Variants in ZNF562 observed in about 807,000 individuals in gnomAD.
ZNF562 encodes the protein zinc finger protein 562.
ZNF562 carries 13 observed loss-of-function variants against 17.5 expected under a neutral mutation model. The observed-to-expected ratio is 0.74, with a 90% CI of 0.48 to 1.18. The LOEUF (loss-of-function observed/expected upper bound fraction) is 1.18. Ranked by LOEUF, ZNF562 falls within the 50% of genes most tolerant of loss-of-function variation. ZNF562 has a pLI of 0.00. For synonymous variants in ZNF562, 163 were observed against 165.4 expected (o/e 0.99, Z 0.11); for missense variants, 481 against 498.5 (o/e 0.96, Z 0.33).
At chr19:9,674,532 A>G (rs1033617990) in intron 1 of ZNF562, 4 of 151,826 alleles carry the variant, frequency 2.6e-5, no homozygotes, top group Admixed American at 6.6e-5. Flanking sequence ...AAAAAAAAGT[A>G]AAGGACATCA....
chr19:9,663,248 C>CAAAAGAAA (rs2043823898), intron 1 of ZNF562, among the ~76,000 whole-genome samples: 1 of 129,916 alleles, frequency 7.7e-6, no homozygotes, highest in African/African-American at 2.9e-5. Context: ...ACTAAAAATA[C>CAAAAGAAA]AAAAAAAAAA....
At chr19:9,656,871 A>ATATAT (rs2043506692) in intron 4 of ZNF562, among the ~76,000 whole-genome samples, 2 of 142,436 alleles carry the variant, frequency 1.4e-5, no homozygotes, top group Admixed American at 7.2e-5. Context: ...AAAATACAAA[A>ATATAT]ATATATATAT....
chr19:9,663,159 A>T (rs2043818989), intron 1 of ZNF562, among the ~76,000 whole-genome samples: 3 of 151,008 alleles, frequency 2.0e-5, no homozygotes, highest in Admixed American at 6.6e-5. Flanking sequence ...TAATCCCAGC[A>T]CTTTGGGAGG....
rs2044357950 is a variant in ZNF562 at position 9,675,026 on chromosome 19, G to A, written c.-142C>T. 6.6e-6 allele frequency: 1 copy of A among 152,282 alleles called. No homozygotes were observed. The highest frequency in any genetic ancestry group is 6.5e-5 in the Admixed American group (1 of 15,288). The allele number at this position is 152,282 out of a possible 1,614,324, so 9.4% of individuals were successfully genotyped here. A position where few individuals can be genotyped will look rare whatever the true frequency, so the allele number is the denominator to read the frequency against. On this transcript the variant is annotated 5_prime_UTR_variant, in exon 1 of 6. Transcript: ENST00000453372. ...CAGGTAGAACTCACCACAGCGGGGT[G>A]GACTCCACCACAATAAAGGTTAAAC...
intron 1 of ZNF562, among the ~76,000 whole-genome samples, chr19:9,670,124 G>A (rs1026997122): frequency 2.0e-5 from 3 of 151,782 alleles, no homozygotes; most frequent in Non-Finnish European, 1.5e-5. Flanking sequence ...CTGTAGTCCT[G>A]GCTACTCAGG....
chr19:9,669,724 GCGCGCGCGCGCACACACACACACACA>G (rs1455125968), intron 1 of ZNF562, among the ~76,000 whole-genome samples: 3 of 77,980 alleles, frequency 3.8e-5, no homozygotes, highest in African/African-American at 1.5e-4. Flanking sequence ...GCGAGCGCGC[GCGCGCGCGCGCACACACACACACACA>G]CACACACACA....
intron 1 of ZNF562, among the ~76,000 whole-genome samples, chr19:9,673,955 C>G (rs1408046877): frequency 1.3e-5 from 2 of 152,062 alleles, no homozygotes; most frequent in Non-Finnish European, 2.9e-5. Context: ...AAAAAAAAAG[C>G]ACTCAAATAT....
intron 4 of ZNF562, 142 bp from the exon 5 acceptor site, chr19:9,656,795 T>A (rs745374077): frequency 1.3e-5 from 9 of 704,990 alleles, no homozygotes; most frequent in Admixed American, 8.7e-5. Context: ...GAGGCTGAGG[T>A]GGGTGGATCA....
At chr19:9,671,317 G>A (rs371698725) in intron 1 of ZNF562, among the ~76,000 whole-genome samples, 1 of 152,144 alleles carries the variant, frequency 6.6e-6, no homozygotes, top group South Asian at 2.1e-4. Flanking sequence ...CACCATGTCT[G>A]TGGGTAAAGA....
chr19:9,674,912 G>A (rs887558381), intron 1 of ZNF562, 103 bp downstream of exon 1: 6 of 152,380 alleles, frequency 3.9e-5, no homozygotes, highest in Admixed American at 2.0e-4. Context: ...CTAGAAAAGC[G>A]AGTGAAACTA....
chr19:9,658,260 C>A, intron 3 of ZNF562, 125 bp from the exon 4 acceptor site: 2 of 1,376,416 alleles, frequency 1.5e-6, no homozygotes, highest in South Asian at 4.1e-5. Flanking sequence ...TGATCTACTC[C>A]AGGGTTTAAT....
chr19:9,656,058 T>C (rs1179418157), intron 5 of ZNF562, among the ~76,000 whole-genome samples: 2 of 152,042 alleles, frequency 1.3e-5, no homozygotes, highest in East Asian at 1.9e-4. Context: ...AGATGGTATA[T>C]TGCTATACTG....
At chr19:9,654,977 A>C (rs534617898) in intron 5 of ZNF562, among the ~76,000 whole-genome samples, 1 of 152,252 alleles carries the variant, frequency 6.6e-6, no homozygotes, top group South Asian at 2.1e-4. Flanking sequence ...GTTCAAAAAA[A>C]AACTGTCTTT....
In ZNF562 at chr19:9,650,077, T is replaced by TA. The variant is rs529534652; in HGVS notation, c.*2871dup. ...GACAGGACATAACCTCTTCAAAAAA[T>TA]AAAAAAGAAATAAAAGCCTACAGCC... On this transcript the variant is annotated 3_prime_UTR_variant, in exon 6 of 6. Transcript: ENST00000453372. 1.3e-5 allele frequency: 2 copies of TA among 151,862 alleles called. No individual in the cohort carries two copies. The highest frequency in any genetic ancestry group is 2.4e-5 in the African/African-American group (1 of 41,348). The allele number at this position is 151,862 out of a possible 1,614,324, so 9.4% of individuals were successfully genotyped here.
At chr19:9,673,787 C>T (rs1198984942) in intron 1 of ZNF562, among the ~76,000 whole-genome samples, 1 of 152,018 alleles carries the variant, frequency 6.6e-6, no homozygotes, top group African/African-American at 2.4e-5. Flanking sequence ...GGGTGGATCA[C>T]TTGAGGTCAG....
intron 1 of ZNF562, 45 bp from the exon 2 acceptor site, chr19:9,660,919 T>C (rs949462331): frequency 2.0e-5 from 11 of 537,052 alleles, no homozygotes; most frequent in South Asian, 1.0e-4. Flanking sequence ...ACATCAGTCA[T>C]TGAACATTAT....
intron 1 of ZNF562, among the ~76,000 whole-genome samples, chr19:9,661,678 C>G (rs1345091392): frequency 1.3e-5 from 2 of 151,988 alleles, no homozygotes; most frequent in Non-Finnish European, 2.9e-5. Flanking sequence ...ACCTGGAATC[C>G]CAGCTACTCA....
chr19:9,651,483 T>C lies in ZNF562; in HGVS notation c.*1466A>G, dbSNP rs1299500621. 2.0e-5 allele frequency: 3 copies of C among 152,140 alleles called. No homozygotes were observed. The highest frequency in any genetic ancestry group is 4.4e-5 in the Non-Finnish European group (3 of 68,024). 9.4% of individuals were successfully genotyped at this position (152,140 alleles called of 1,614,324 possible). On this transcript the variant is annotated 3_prime_UTR_variant, in exon 6 of 6. Transcript: ENST00000453372. ...CCCAAATCTGGCCATAAACAGGCAA[T>C]GAGAAACTGGCCATAAACAAAATCT...
intron 1 of ZNF562, among the ~76,000 whole-genome samples, chr19:9,671,399 C>T (rs2044193170): frequency 2.0e-5 from 3 of 152,086 alleles, no homozygotes; most frequent in African/African-American, 7.2e-5. Context: ...CTAATACCAC[C>T]TACCATTAAC....
Sources: gnomAD v4.1 joint callset for allele counts (sites outside exome capture counted in the v4.1 genomes callset) on GRCh38, gnomAD v4.1.1 for gene constraint, MANE v1.5 for transcripts, NCBI Gene and HGNC (gene_info 2026-07-23, HGNC 2026-07-21) for gene names.